The following GLIS3 variants were observed in gnomAD, a reference collection of about 807,000 sequenced individuals.
GLIS3 encodes zinc finger protein GLIS3.
GLIS3 carries 53 observed loss-of-function variants against 78.6 expected under a neutral mutation model. The ratio of observed to expected loss-of-function variants is 0.67; its 90% CI spans 0.54 to 0.85. GLIS3 has a LOEUF of 0.85. Ranked by LOEUF, GLIS3 falls within the 40% of genes least tolerant of loss-of-function variation. The pLI, the probability that GLIS3 is intolerant of heterozygous loss-of-function variation, is 0.00. For missense variants in GLIS3, 1,703 were observed against 1,231.1 expected, an observed-to-expected ratio of 1.38 and a Z score of -5.74; for synonymous variants, 684 against 509.9, an observed-to-expected ratio of 1.34 and a Z score of -4.60.
chr9:4,452,198 A>G, the GLIS3 span, among the ~76,000 whole-genome samples: 1 of 152,214 alleles, frequency 6.6e-6, no homozygotes, highest in East Asian at 1.9e-4. Flanking sequence ...TATTTATGAC[A>G]AATCCACAGC....
At chr9:4,276,713 T>C (rs1056649599) in intron 2 of GLIS3, among the ~76,000 whole-genome samples, 1 of 152,180 alleles carries the variant, frequency 6.6e-6, no homozygotes, top group Non-Finnish European at 1.5e-5. Flanking sequence ...CCTTTTATAA[T>C]TGGAACAAAT....
chr9:4,153,510 G>C (rs1834834943), intron 2 of GLIS3, among the ~76,000 whole-genome samples: 2 of 152,142 alleles, frequency 1.3e-5, no homozygotes, highest in African/African-American at 4.8e-5. Context: ...GTTGCAGTGA[G>C]CTGAGATCAC....
chr9:4,270,919 G>A (rs375232400), intron 2 of GLIS3, among the ~76,000 whole-genome samples: 97 of 87,802 alleles, frequency 1.1e-3, no homozygotes, highest in African/African-American at 2.8e-3. Context: ...GTGTGTGTGT[G>A]TGTGTGTGTG....
intron 4 of GLIS3, among the ~76,000 whole-genome samples, chr9:3,961,534 T>G (rs1410732539): frequency 6.6e-6 from 1 of 152,216 alleles, no homozygotes; most frequent in Non-Finnish European, 1.5e-5. Context: ...TTCTTGATTG[T>G]AAATGCAAAA....
chr9:4,312,631 T>C (rs1439484357), intron 2 of GLIS3, among the ~76,000 whole-genome samples: 4 of 152,248 alleles, frequency 2.6e-5, no homozygotes, highest in African/African-American at 9.6e-5. Context: ...CTTGCATTCC[T>C]TGTCTTCCTC....
chr9:3,963,749 T>C (rs1280669178), intron 4 of GLIS3, among the ~76,000 whole-genome samples: 1 of 152,046 alleles, frequency 6.6e-6, no homozygotes, highest in Middle Eastern at 3.2e-3. Context: ...TTGATAATCT[T>C]ATCGTGAGGC....
At chr9:3,890,763 CACA>C (rs143411104) in intron 7 of GLIS3, among the ~76,000 whole-genome samples, 1,434 of 137,342 alleles carry the variant, frequency 0.01, 19 homozygotes, top group African/African-American at 0.046. Context: ...ACAACAACAA[CACA>C]ACAACAACAA....
the GLIS3 span, among the ~76,000 whole-genome samples, chr9:4,443,442 A>C: frequency 6.6e-6 from 1 of 152,232 alleles, no homozygotes; most frequent in Non-Finnish European, 1.5e-5. Flanking sequence ...GAATGAGAAA[A>C]GAAAATTCTC....
At chr9:3,955,084 A>G (rs1384307037) in intron 4 of GLIS3, among the ~76,000 whole-genome samples, 1 of 152,184 alleles carries the variant, frequency 6.6e-6, no homozygotes, top group East Asian at 1.9e-4. Flanking sequence ...GGGGAGAGAG[A>G]GCATAGGCTG....
chr9:4,177,687 A>G (rs1305630586), intron 2 of GLIS3, among the ~76,000 whole-genome samples: 2 of 152,240 alleles, frequency 1.3e-5, no homozygotes, highest in African/African-American at 4.8e-5. Flanking sequence ...CTACGCTAAG[A>G]TTGGATGAGT....
At chr9:4,054,230 G>C in intron 4 of GLIS3, 5 of 628,004 alleles carry the variant, frequency 8.0e-6, no homozygotes, top group Non-Finnish European at 9.9e-6. Context: ...CATCAGCTCT[G>C]TGAGGGCAGA....
intron 4 of GLIS3, among the ~76,000 whole-genome samples, chr9:4,058,611 A>G (rs1451374496): frequency 6.6e-6 from 1 of 152,050 alleles, no homozygotes; most frequent in East Asian, 1.9e-4. Flanking sequence ...TCTATTGACT[A>G]TTTCCTCTCT....
chr9:4,057,546 G>A (rs1052203963), intron 4 of GLIS3, among the ~76,000 whole-genome samples: 2 of 151,700 alleles, frequency 1.3e-5, no homozygotes, highest in Non-Finnish European at 2.9e-5. Context: ...GGCATTTGAG[G>A]TCTGTTTCAG....
rs535199811 is a variant in GLIS3 at position 4,225,246 on chromosome 9, C to T, written c.388+60792G>A. On this transcript the variant is annotated intron_variant, in intron 2 of 10. Coordinates refer to ENST00000381971, the MANE Select transcript of GLIS3 (RefSeq NM_001042413.2). ...ACTGCAAAAGGTTGACTCTCATATA[C>T]TTCGCTCTTTAAAATTTTGGCCTAG... Among the ~76,000 whole-genome samples the T allele has an allele frequency of 3.3e-5, 5 of 152,218 alleles. No individual in the cohort carries two copies. The South Asian group carries it at 1.0e-3, about 32-fold the overall frequency.
the GLIS3 span, among the ~76,000 whole-genome samples, chr9:4,359,215 G>C: frequency 2.6e-5 from 4 of 152,040 alleles, no homozygotes; most frequent in Admixed American, 2.0e-4. Flanking sequence ...TGCATACACC[G>C]AGATGAGCGC....
intron 2 of GLIS3, among the ~76,000 whole-genome samples, chr9:4,192,609 A>G (rs890776263): frequency 1.3e-5 from 2 of 152,182 alleles, no homozygotes; most frequent in African/African-American, 4.8e-5. Context: ...CATTCCACTT[A>G]TTCATTTGTC....
At chr9:4,082,361 G>C (rs944820643) in intron 4 of GLIS3, among the ~76,000 whole-genome samples, 1 of 152,158 alleles carries the variant, frequency 6.6e-6, no homozygotes, top group Non-Finnish European at 1.5e-5. Flanking sequence ...ACGAAGGAAA[G>C]GGAAATAAAA....
At chr9:4,404,099 C>A in the GLIS3 span, among the ~76,000 whole-genome samples, 1 of 152,164 alleles carries the variant, frequency 6.6e-6, no homozygotes, top group South Asian at 2.1e-4. Context: ...AAATAGATTT[C>A]AAGACAAAAA....
chr9:3,900,691 AATG>A (rs1421076199), intron 6 of GLIS3: 18 of 152,336 alleles, frequency 1.2e-4, no homozygotes, highest in East Asian at 5.8e-4. Flanking sequence ...ATATATACAA[AATG>A]ATAATTACAT....
Sources: gnomAD v4.1 joint callset for allele counts (sites outside exome capture counted in the v4.1 genomes callset) on GRCh38, gnomAD v4.1.1 for gene constraint, MANE v1.5 for transcripts, NCBI Gene and HGNC (gene_info 2026-07-23, HGNC 2026-07-21) for gene names.